The following SLK variants were observed in gnomAD, a reference collection of about 807,000 sequenced individuals.
The protein encoded by SLK is STE20 like kinase.
SLK carries 67 observed loss-of-function variants against 147.7 expected under a neutral mutation model. The observed-to-expected ratio is 0.45, with a 90% CI of 0.37 to 0.56. SLK has a LOEUF of 0.56. SLK is among the 20% of genes least tolerant of loss of function. SLK has a pLI of 0.00. For synonymous variants in SLK, 441 were observed against 475.0 expected, an observed-to-expected ratio of 0.93 and a Z score of 0.93; for missense variants, 1,136 against 1,438.8, an observed-to-expected ratio of 0.79 and a Z score of 3.41.
Position 104,021,604 on chromosome 10 carries a change from C to A in SLK, c.3448-16C>A. On this transcript the variant is annotated splice_polypyrimidine_tract_variant and intron_variant, in intron 17 of 18. Transcript: ENST00000369755. ...AGTTGATCTGAAATTTTTTTAAATC[C>A]CAACTTTATTTTCAGAATGAAAAAT... 2 of 1,502,634 alleles carry A rather than the reference C, an allele frequency of 1.3e-6. No homozygotes were observed. Among genetic ancestry groups the A allele is most frequent in the Non-Finnish European group, 1.8e-6 (2 of 1,102,520 alleles). The allele number at this position is 1,502,634 out of a possible 1,614,324, so 93.1% of individuals were successfully genotyped here.
intron 1 of SLK, among the ~76,000 whole-genome samples, chr10:103,974,079 TTTC>T (rs1258861716): frequency 3.3e-5 from 5 of 152,240 alleles, no homozygotes; most frequent in East Asian, 3.9e-4. Context: ...ATATAGGTCT[TTTC>T]TTCTTCTTTC....
At chr10:103,978,804 C>T (rs572131397) in intron 1 of SLK, among the ~76,000 whole-genome samples, 1 of 152,216 alleles carries the variant, frequency 6.6e-6, no homozygotes, top group African/African-American at 2.4e-5. Flanking sequence ...TATCAGCTCA[C>T]ATTTCTTCCT....
Position 103,992,566 on chromosome 10 carries a change from A to G in SLK, c.316-32A>G, listed in dbSNP as rs746471969. On this transcript the variant is annotated intron_variant, in intron 2 of 18. Transcript: ENST00000369755. ...AACTCAAAACTCCATGTAGTTTTAG[A>G]CACACGCTTTTTTTTTTTTTTTTGC... The G allele has an allele frequency of 4.6e-6, 6 of 1,308,108 alleles. No homozygotes were observed. In the South Asian group the frequency reaches 7.3e-5, roughly 16 times the overall value. The allele number at this position is 1,308,108 out of a possible 1,614,324, so 81.0% of individuals were successfully genotyped here. A position where few individuals can be genotyped will look rare whatever the true frequency, so the allele number is the denominator to read the frequency against.
chr10:103,988,034 A>G (rs1844041552), intron 1 of SLK, among the ~76,000 whole-genome samples: 1 of 152,216 alleles, frequency 6.6e-6, no homozygotes, highest in South Asian at 2.1e-4. Context: ...GAGAAATGGC[A>G]AAACCTACAT....
chr10:104,024,956 C>G (rs1844578855), intron 18 of SLK, among the ~76,000 whole-genome samples: 1 of 152,206 alleles, frequency 6.6e-6, no homozygotes, highest in Non-Finnish European at 1.5e-5. Flanking sequence ...AGAGGTCCCA[C>G]CTTCTATGCA....
At chr10:103,992,159 T>TTTTTTTTTTTC (rs1554842829) in intron 2 of SLK, among the ~76,000 whole-genome samples, 60 of 139,010 alleles carry the variant, frequency 4.3e-4, no homozygotes, top group African/African-American at 8.1e-4. Flanking sequence ...TTTTTTTTTT[T>TTTTTTTTTTTC]CTAAAAGAAG....
At position 104,005,555 on chromosome 10, in the gene SLK, A is replaced by G; in HGVS notation, c.2350-6A>G. 2 of 1,598,352 alleles carry G rather than the reference A, an allele frequency of 1.3e-6. No homozygotes were observed. The highest frequency in any genetic ancestry group is 1.7e-6 in the Non-Finnish European group (2 of 1,175,514). On this transcript the variant is annotated splice_polypyrimidine_tract_variant and splice_region_variant and intron_variant, in intron 9 of 18. Coordinates refer to ENST00000369755, the MANE Select transcript of SLK (RefSeq NM_014720.4). ...CAAAGCCTAACTAAAATAAAATCTC[A>G]CTCAGGAAACAAGAAGACAAAAGAA...
chr10:104,013,532 G>T (rs1248777651), intron 13 of SLK, among the ~76,000 whole-genome samples: 1 of 152,138 alleles, frequency 6.6e-6, no homozygotes, highest in Non-Finnish European at 1.5e-5. Flanking sequence ...CTTGTTCCAG[G>T]CCTCAAGAAA....
Position 104,003,534 on chromosome 10 carries a change from G to A in SLK, c.2349+7G>A. 6.5e-7 allele frequency: 1 copy of A among 1,528,172 alleles called. No homozygotes were observed. 94.7% of individuals were successfully genotyped at this position (1,528,172 alleles called of 1,614,324 possible). A position where few individuals can be genotyped will look rare whatever the true frequency, so the allele number is the denominator to read the frequency against. The stretch of plus-strand genomic sequence containing the variant: ...TGGATCGATATCTTTACAAGTAAGT[G>A]TACATGAGTCATTGTTTGGGTTTTC... On this transcript the variant is annotated splice_region_variant and intron_variant, in intron 9 of 18. Transcript: ENST00000369755.
chr10:104,013,779 G>C (rs1844428484), intron 13 of SLK, among the ~76,000 whole-genome samples: 1 of 152,078 alleles, frequency 6.6e-6, no homozygotes, highest in Admixed American at 6.6e-5. Context: ...TTCATTGTTG[G>C]CTTCATTTGC....
At chr10:104,012,758 G>A (rs1300627152) in intron 13 of SLK, among the ~76,000 whole-genome samples, 2 of 152,188 alleles carry the variant, frequency 1.3e-5, no homozygotes, top group African/African-American at 4.8e-5. Flanking sequence ...GCTTGACTCA[G>A]TGGTTCTTGG....
At chr10:104,015,185 A>T (rs1233666165) in intron 13 of SLK, among the ~76,000 whole-genome samples, 1 of 152,124 alleles carries the variant, frequency 6.6e-6, no homozygotes, top group Non-Finnish European at 1.5e-5. Context: ...ATTCTGCTTA[A>T]TTTTTCAAGT....
intron 1 of SLK, among the ~76,000 whole-genome samples, chr10:103,985,650 G>A (rs1479188921): frequency 6.6e-6 from 1 of 152,008 alleles, no homozygotes; most frequent in Non-Finnish European, 1.5e-5. Flanking sequence ...TAACACCTCT[G>A]TGGGACTGAA....
chr10:103,976,827 A>T (rs1433241660), intron 1 of SLK, among the ~76,000 whole-genome samples: 1 of 152,174 alleles, frequency 6.6e-6, no homozygotes, highest in East Asian at 1.9e-4. Context: ...CCTTTTCTAG[A>T]ATTTTTTAAT....
rs114004140 is a variant in SLK at position 103,989,233 on chromosome 10, T to C, written c.151-1442T>C. On this transcript the variant is annotated intron_variant, in intron 1 of 18. Coordinates refer to ENST00000369755, the MANE Select transcript of SLK (RefSeq NM_014720.4). ...AATGGTCAAAAGATTTGAACAGACA[T>C]CTCACCAAAGATTTGACAAATAAGT... Among the ~76,000 whole-genome samples, 1,212 of 152,148 alleles carry C rather than the reference T, an allele frequency of 8.0e-3. 7 individuals are homozygous for C. The highest frequency in any genetic ancestry group is 0.025 in the African/African-American group (1,037 of 41,492).
Position 104,002,950 on chromosome 10 carries a change from G to A in SLK, c.1772G>A (p.Gly591Asp), listed in dbSNP as rs1844272081. 2.5e-6 allele frequency: 4 copies of A among 1,613,976 alleles called. No homozygotes were observed. Among genetic ancestry groups the A allele is most frequent in the African/African-American group, 1.3e-5 (1 of 75,034 alleles). ...AAATTAATTAATAAGCCCATGGTGG[G>A]TCCTGAGGCTGGTGGTACTAAGGAA... is the stretch of plus-strand genomic sequence containing the variant. The part of the protein sequence containing the change: ...GQKLINKPMV[G>D]PEAGGTKEVP... The change falls in exon 9 of 19, where the codon GGT becomes GAT. Residue 591 changes from glycine to aspartate, a missense_variant. Gly to Asp is a moderately conservative substitution (Grantham distance 94). Coordinates refer to ENST00000369755, the MANE Select transcript of SLK (RefSeq NM_014720.4).
At chr10:104,012,690 A>G (rs115854817) in intron 13 of SLK, among the ~76,000 whole-genome samples, 1,609 of 152,276 alleles carry the variant, frequency 0.011, 22 homozygotes, top group African/African-American at 0.036. Flanking sequence ...GATTCGCTGC[A>G]CCATGCTGCC....
intron 18 of SLK, among the ~76,000 whole-genome samples, chr10:104,024,143 C>T (rs542933372): frequency 6.6e-6 from 1 of 152,328 alleles, no homozygotes; most frequent in East Asian, 1.9e-4. Flanking sequence ...CTGTCACACC[C>T]TACATTCAAT....
intron 13 of SLK, among the ~76,000 whole-genome samples, chr10:104,015,306 C>T (rs1024928626): frequency 6.6e-6 from 1 of 152,188 alleles, no homozygotes; most frequent in Admixed American, 6.5e-5. Context: ...CCCTATCTTA[C>T]TTCTGGAGCC....
Sources: allele counts gnomAD v4.1 joint callset (sites outside exome capture counted in the v4.1 genomes callset), GRCh38; gene constraint gnomAD v4.1.1; transcripts MANE v1.5; gene names NCBI Gene and HGNC (gene_info 2026-07-23, HGNC 2026-07-21).